CBLB: variants seen among roughly 807,000 people sequenced by gnomAD.
The protein encoded by CBLB is Cbl proto-oncogene B, also known as E3 ubiquitin-protein ligase CBL-B.
CBLB carries 31 observed loss-of-function variants against 104.9 expected under a neutral mutation model. The ratio of observed to expected loss-of-function variants is 0.30; its 90% CI spans 0.22 to 0.40. The LOEUF (loss-of-function observed/expected upper bound fraction) is 0.40, where lower values mean the gene tolerates loss of function less well. Ranked by LOEUF, CBLB falls within the 10% of genes least tolerant of loss-of-function variation. The pLI is 1.00. For synonymous variants in CBLB, 440 were observed against 422.6 expected, an observed-to-expected ratio of 1.04 and a Z score of -0.51; for missense variants, 1,062 against 1,214.6, an observed-to-expected ratio of 0.87 and a Z score of 1.87.
intron 3 of CBLB, among the ~76,000 whole-genome samples, chr3:105,826,182 C>G (rs2086558694): frequency 6.6e-6 from 1 of 152,054 alleles, no homozygotes; most frequent in East Asian, 1.9e-4. Flanking sequence ...TCATGTAGTG[C>G]TACAAAATAG....
rs2072588932 is a variant in CBLB at position 105,720,242 on chromosome 3, A to G, written c.1212T>C (p.Asp404=). The G allele has an allele frequency of 1.2e-6, 2 of 1,612,526 alleles. No individual in the cohort carries two copies. ...TSCLTAWQES[D]GQGCPFCRCE... ...AACGACAGAAAGGGCAGCCCTGACC[A>G]TCCGACTCCTAAACAAATAGAAAAT... The change falls in exon 10 of 19, where the codon GAT becomes GAC. Residue 404 remains aspartate (D), a synonymous_variant. Coordinates refer to ENST00000394030, the MANE Select transcript of CBLB (RefSeq NM_170662.5).
intron 3 of CBLB, among the ~76,000 whole-genome samples, chr3:105,789,042 G>C (rs1315798628): frequency 6.6e-6 from 1 of 152,052 alleles, no homozygotes; most frequent in Non-Finnish European, 1.5e-5. Context: ...ATATGAAGCA[G>C]AAAAAACATT....
intron 4 of CBLB, among the ~76,000 whole-genome samples, chr3:105,769,586 C>T (rs1250870356): frequency 6.6e-6 from 1 of 152,092 alleles, no homozygotes; most frequent in Non-Finnish European, 1.5e-5. Context: ...GCATGGGTGA[C>T]TGCCTATCCA....
chr3:105,744,742 C>T (rs1206376205), intron 6 of CBLB, among the ~76,000 whole-genome samples: 1 of 151,868 alleles, frequency 6.6e-6, no homozygotes, highest in Admixed American at 6.6e-5. Flanking sequence ...CCATCCTGAC[C>T]AACATGGTGA....
rs75152354 is a variant in CBLB at position 105,702,810 on chromosome 3, T to C, written c.1594-351A>G. 1.3e-3 allele frequency among the ~76,000 whole-genome samples: 194 copies of C among 152,234 alleles called. 5 individuals are homozygous for C. In the East Asian group the frequency reaches 0.031, roughly 24 times the overall value. On this transcript the variant is annotated intron_variant, in intron 11 of 18. Transcript: ENST00000394030. ...ATAATTTATTTGCACATCTCTATGA[T>C]TTAGGAGAGAGGAGAAAAGTTGTCA... is the stretch of plus-strand genomic sequence containing the variant.
At chr3:105,662,530 T>G (rs757710224) in intron 18 of CBLB, among the ~76,000 whole-genome samples, 1 of 152,180 alleles carries the variant, frequency 6.6e-6, no homozygotes, top group East Asian at 1.9e-4. Flanking sequence ...TCAAAATAAG[T>G]ACAAGAATGT....
intron 3 of CBLB, among the ~76,000 whole-genome samples, chr3:105,812,267 A>T (rs536597512): frequency 2.0e-5 from 3 of 152,300 alleles, no homozygotes; most frequent in African/African-American, 7.2e-5. Context: ...CACTCATCCA[A>T]CAAATATTTA....
intron 6 of CBLB, among the ~76,000 whole-genome samples, 199 bp from the exon 7 acceptor site, chr3:105,740,830 T>C (rs1257049160): frequency 1.3e-5 from 2 of 152,216 alleles, no homozygotes; most frequent in African/African-American, 2.4e-5. Flanking sequence ...ACTGATCATT[T>C]CTTTTTATTT....
chr3:105,708,728 T>TAAA (rs1256704085), intron 10 of CBLB, among the ~76,000 whole-genome samples: 5 of 151,940 alleles, frequency 3.3e-5, no homozygotes, highest in Admixed American at 6.6e-5. Flanking sequence ...GATTAAAGAA[T>TAAA]AAAATTAATG....
At chr3:105,774,206 A>C (rs1467307326) in intron 4 of CBLB, among the ~76,000 whole-genome samples, 2 of 152,224 alleles carry the variant, frequency 1.3e-5, no homozygotes, top group African/African-American at 4.8e-5. Context: ...ATGAACAGTG[A>C]GATAAATGAC....
At chr3:105,683,834 T>C (rs1167496528) in intron 14 of CBLB, among the ~76,000 whole-genome samples, 1 of 152,230 alleles carries the variant, frequency 6.6e-6, no homozygotes, top group East Asian at 1.9e-4. Context: ...GTTTAGGTTC[T>C]TGCTTTTAAA....
chr3:105,696,812 C>A (rs1179863699), intron 12 of CBLB, among the ~76,000 whole-genome samples: 3 of 151,908 alleles, frequency 2.0e-5, no homozygotes, highest in African/African-American at 7.2e-5. Context: ...ACTTTCCTTG[C>A]CATGGTCTTA....
intron 2 of CBLB, among the ~76,000 whole-genome samples, chr3:105,865,618 T>C (rs573769030): frequency 2.0e-5 from 3 of 152,352 alleles, no homozygotes; most frequent in South Asian, 2.1e-4. Flanking sequence ...ATAAAACTTA[T>C]GTTAACAACC....
chr3:105,848,083 T>C (rs1156481289), intron 3 of CBLB, among the ~76,000 whole-genome samples: 2 of 152,018 alleles, frequency 1.3e-5, no homozygotes, highest in Non-Finnish European at 2.9e-5. Flanking sequence ...TTCCCAGAAA[T>C]GTCAGCTCAG....
chr3:105,730,657 G>A lies in CBLB; in HGVS notation c.1203+3352C>T, dbSNP rs554656907. 3.3e-5 allele frequency among the ~76,000 whole-genome samples: 5 copies of A among 152,186 alleles called. No homozygotes were observed. The South Asian group carries it at 1.0e-3, about 32-fold the overall frequency. On this transcript the variant is annotated intron_variant, in intron 9 of 18. Transcript: ENST00000394030. ...CAGAAACATATACAAAATGTATCAG[G>A]AGGATGCTTATTAATGATGAGCTGC...
intron 4 of CBLB, among the ~76,000 whole-genome samples, chr3:105,775,863 T>C (rs980487033): frequency 5.3e-5 from 8 of 152,202 alleles, no homozygotes; most frequent in Non-Finnish European, 1.0e-4. Context: ...ATAATCTCTA[T>C]GCAGTAAAAC....
intron 3 of CBLB, among the ~76,000 whole-genome samples, chr3:105,825,538 C>G (rs2086454665): frequency 6.6e-6 from 1 of 152,196 alleles, no homozygotes; most frequent in Admixed American, 6.5e-5. Context: ...TCCTCTGTGA[C>G]TACAGCAGTG....
intron 17 of CBLB, chr3:105,670,768 T>C (rs2064985256): frequency 5.5e-6 from 1 of 183,188 alleles, no homozygotes; most frequent in South Asian, 1.1e-4. Flanking sequence ...AAGAGTATTA[T>C]CAAATTACTT....
intron 3 of CBLB, among the ~76,000 whole-genome samples, chr3:105,809,210 A>C (rs2083929178): frequency 6.6e-6 from 1 of 152,238 alleles, no homozygotes; most frequent in Non-Finnish European, 1.5e-5. Context: ...TGTTATAATA[A>C]CATCAGAAGT....
Sources: gnomAD v4.1 joint callset for allele counts (sites outside exome capture counted in the v4.1 genomes callset) on GRCh38, gnomAD v4.1.1 for gene constraint, MANE v1.5 for transcripts, NCBI Gene and HGNC (gene_info 2026-07-23, HGNC 2026-07-21) for gene names.